TRIM44: variants seen among roughly 807,000 people sequenced by gnomAD.
TRIM44 encodes the protein tripartite motif-containing protein 44.
In TRIM44, 13 loss-of-function variants were observed where a neutral mutation model predicts 37.4. The observed-to-expected ratio is 0.35, with a 90% CI of 0.23 to 0.55. The LOEUF is 0.55. Among genes scored for constraint, TRIM44 ranks in the 20% least tolerant of loss-of-function variants. The pLI, the probability that TRIM44 is intolerant of heterozygous loss-of-function variation, is 0.89. For synonymous variants in TRIM44, 175 were observed against 157.2 expected (o/e 1.11, Z -0.85); for missense variants, 426 against 437.2 (o/e 0.97, Z 0.23).
At chr11:35,791,499 G>C (rs1853208756) in intron 4 of TRIM44, among the ~76,000 whole-genome samples, 1 of 151,920 alleles carries the variant, frequency 6.6e-6, no homozygotes, top group Non-Finnish European at 1.5e-5. Context: ...CATTTTCTTA[G>C]GAGACACTTC....
chr11:35,704,010 G>A (rs1394142786), intron 2 of TRIM44, among the ~76,000 whole-genome samples: 1 of 151,970 alleles, frequency 6.6e-6, no homozygotes, highest in Non-Finnish European at 1.5e-5. Flanking sequence ...TGAAAACTTT[G>A]AAAAAAATTT....
intron 2 of TRIM44, among the ~76,000 whole-genome samples, chr11:35,721,666 A>C (rs1852108870): frequency 6.6e-6 from 1 of 152,216 alleles, no homozygotes; most frequent in African/African-American, 2.4e-5. Context: ...TTGTCCTTTC[A>C]TTCTCAATAC....
In TRIM44 at chr11:35,685,252, C is replaced by T. The variant is rs1851561379; in HGVS notation, c.670-7C>T. On this transcript the variant is annotated splice_polypyrimidine_tract_variant and splice_region_variant and intron_variant, in intron 1 of 4. Coordinates refer to ENST00000299413, the MANE Select transcript of TRIM44 (RefSeq NM_017583.6). ...GTCTAGTGACCCCTCACTTTTCTTT[C>T]TTCTAGAGCAAAGACTCAGGTGGAC... The T allele has an allele frequency of 6.2e-6, 10 of 1,613,812 alleles. No homozygotes were observed. Among genetic ancestry groups the T allele is most frequent in the Non-Finnish European group, 8.5e-6 (10 of 1,179,758 alleles).
At position 35,684,286 on chromosome 11, in the gene TRIM44, G is replaced by A. The variant is rs11828457; in HGVS notation, c.670-973G>A. Among the ~76,000 whole-genome samples, 282 of 152,220 alleles carry A rather than the reference G, an allele frequency of 1.9e-3. 2 individuals are homozygous for A. The highest frequency in any genetic ancestry group is 6.5e-3 in the African/African-American group (271 of 41,540). ...TAAAAAAAAATCTCATGTTGAAATT[G>A]CATGTTGTAATGATATTTTGAATAT... On this transcript the variant is annotated intron_variant, in intron 1 of 4. Coordinates refer to ENST00000299413, the MANE Select transcript of TRIM44 (RefSeq NM_017583.6).
At chr11:35,778,221 G>T (rs572066377) in intron 4 of TRIM44, among the ~76,000 whole-genome samples, 2 of 152,164 alleles carry the variant, frequency 1.3e-5, no homozygotes, top group East Asian at 3.9e-4. Context: ...CTCGATCACT[G>T]ATACCCTTTC....
At chr11:35,793,083 A>G (rs1185640455) in intron 4 of TRIM44, among the ~76,000 whole-genome samples, 3 of 151,950 alleles carry the variant, frequency 2.0e-5, no homozygotes, top group Non-Finnish European at 4.4e-5. Flanking sequence ...AGCCCACAAG[A>G]ACCAAGATGA....
At chr11:35,733,177 C>T (rs1852285070) in intron 3 of TRIM44, among the ~76,000 whole-genome samples, 1 of 152,018 alleles carries the variant, frequency 6.6e-6, no homozygotes, top group Non-Finnish European at 1.5e-5. Flanking sequence ...AGAAACTGAA[C>T]CTTGGAGAAG....
intron 2 of TRIM44, among the ~76,000 whole-genome samples, chr11:35,706,100 A>G (rs1259421487): frequency 6.7e-6 from 1 of 149,008 alleles, no homozygotes; most frequent in African/African-American, 2.4e-5. Flanking sequence ...ATCCCACAGA[A>G]ATGCAAACTA....
intron 4 of TRIM44, among the ~76,000 whole-genome samples, chr11:35,760,387 A>G (rs1852707799): frequency 6.6e-6 from 1 of 152,218 alleles, no homozygotes; most frequent in African/African-American, 2.4e-5. Context: ...TACAGGTGCC[A>G]TCTGTCACCC....
chr11:35,748,902 A>G (rs1852527905), intron 4 of TRIM44, among the ~76,000 whole-genome samples: 1 of 152,200 alleles, frequency 6.6e-6, no homozygotes, highest in African/African-American at 2.4e-5. Context: ...GTTGACATTA[A>G]GCAATGCAGA....
chr11:35,696,455 TA>T (rs936292375), intron 2 of TRIM44, among the ~76,000 whole-genome samples: 6 of 152,080 alleles, frequency 3.9e-5, no homozygotes, highest in African/African-American at 1.4e-4. Context: ...AAAAATTTTT[TA>T]AAAGCTAAAA....
At chr11:35,759,902 C>T (rs770424871) in intron 4 of TRIM44, among the ~76,000 whole-genome samples, 6 of 152,178 alleles carry the variant, frequency 3.9e-5, no homozygotes, top group Admixed American at 3.3e-4. Context: ...GTCAGTCTGC[C>T]CTTACTGGGG....
chr11:35,734,187 CATATAT>C (rs138033159), intron 3 of TRIM44, among the ~76,000 whole-genome samples: 1 of 151,318 alleles, frequency 6.6e-6, no homozygotes, highest in South Asian at 2.1e-4. Context: ...CCTTAGTTAG[CATATAT>C]ATATATAGTA....
chr11:35,673,660 T>G (rs1851426014), intron 1 of TRIM44, among the ~76,000 whole-genome samples: 1 of 152,204 alleles, frequency 6.6e-6, no homozygotes, highest in Non-Finnish European at 1.5e-5. Context: ...AGAAGTCTGG[T>G]GCCCTCTTTT....
chr11:35,727,712 C>T (rs1215007575), intron 3 of TRIM44, among the ~76,000 whole-genome samples: 1 of 152,106 alleles, frequency 6.6e-6, no homozygotes, highest in Non-Finnish European at 1.5e-5. Context: ...GAGATACTGA[C>T]CCAATATCAT....
rs1851871634 is a variant in TRIM44 at position 35,705,834 on chromosome 11, A to G, written c.748-20090A>G. On this transcript the variant is annotated intron_variant, in intron 2 of 4. Coordinates refer to ENST00000299413, the MANE Select transcript of TRIM44 (RefSeq NM_017583.6). ...AGGAAAGATCCAAAATTGATACCCT[A>G]ACATCACAATTAAAAGAACTAGAAA... Among the ~76,000 whole-genome samples, 2 of 148,512 alleles carry G rather than the reference A, an allele frequency of 1.3e-5. 1 individual carries two copies. The highest frequency in any genetic ancestry group is 3.0e-5 in the Non-Finnish European group (2 of 65,982).
At chr11:35,709,177 T>C (rs1851934655) in intron 2 of TRIM44, among the ~76,000 whole-genome samples, 1 of 152,208 alleles carries the variant, frequency 6.6e-6, no homozygotes, top group Admixed American at 6.5e-5. Flanking sequence ...CATTTGTAAA[T>C]GCACTTCAGT....
chr11:35,727,766 G>A (rs1417838543), intron 3 of TRIM44, among the ~76,000 whole-genome samples: 1 of 152,172 alleles, frequency 6.6e-6, no homozygotes, highest in African/African-American at 2.4e-5. Flanking sequence ...TTAAGTCTGT[G>A]CTATTTCAGT....
chr11:35,726,684 A>G (rs76888638), intron 3 of TRIM44, among the ~76,000 whole-genome samples: 1 of 3,740 alleles, frequency 2.7e-4, no homozygotes. Context: ...TTGTAAGATT[A>G]AAAAAAAAAA....
Sources: allele counts gnomAD v4.1 joint callset (sites outside exome capture counted in the v4.1 genomes callset), GRCh38; gene constraint gnomAD v4.1.1; transcripts MANE v1.5; gene names NCBI Gene and HGNC (gene_info 2026-07-23, HGNC 2026-07-21).